Variants in LPAR5 observed in about 807,000 individuals in gnomAD.
LPAR5 encodes the protein G protein-coupled receptor 92.
For missense variants in LPAR5, 544 were observed against 521.8 expected, an observed-to-expected ratio of 1.04 and a Z score of -0.41; for synonymous variants, 271 against 261.6, an observed-to-expected ratio of 1.04 and a Z score of -0.35.
In LPAR5 at chr12:6,620,046, C is replaced by T; in HGVS notation, c.*84G>A. 2 of 1,561,146 alleles carry T rather than the reference C, an allele frequency of 1.3e-6. No homozygotes were observed. The highest frequency in any genetic ancestry group is 1.7e-6 in the Non-Finnish European group (2 of 1,145,982). On this transcript the variant is annotated 3_prime_UTR_variant, in exon 2 of 2. Coordinates refer to ENST00000329858, the MANE Select transcript of LPAR5 (RefSeq NM_020400.6). The surrounding 1 kb of genome is among the most constrained non-coding windows in gnomAD (Gnocchi z 6.8). ...CACCCAAAGGTCCAAGTGCCCAGCC[C>T]ACCTTCTTGTGTGTACACCCTGTAA...
chr12:6,621,714 T>C (rs1948897189), intron 1 of LPAR5, among the ~76,000 whole-genome samples: 1 of 152,202 alleles, frequency 6.6e-6, no homozygotes, highest in African/African-American at 2.4e-5. Flanking sequence ...AAATTAATCT[T>C]GGCTGGGTGC....
intron 1 of LPAR5, among the ~76,000 whole-genome samples, chr12:6,628,747 C>T (rs1485817599): frequency 1.3e-5 from 2 of 151,856 alleles, no homozygotes; most frequent in Non-Finnish European, 2.9e-5. Flanking sequence ...ATTCTCCTGC[C>T]TCAGCCTCCT....
At chr12:6,628,495 C>G (rs184673231) in intron 1 of LPAR5, among the ~76,000 whole-genome samples, 1 of 151,918 alleles carries the variant, frequency 6.6e-6, no homozygotes, top group Non-Finnish European at 1.5e-5. Context: ...TTCGCATGCT[C>G]TGTCACCCAG....
chr12:6,620,765 G>T lies in LPAR5; in HGVS notation c.484C>A (p.Pro162Thr). Residue 162 changes from proline (P) to threonine (T), a missense_variant, in exon 2 of 2, where the codon CCC becomes ACC. Pro to Thr is a conservative substitution (Grantham distance 38). Transcript: ENST00000329858. The surrounding 1 kb of genome is among the most constrained non-coding windows in gnomAD (Gnocchi z 6.8). ...AGGTCCCGGTAGCGGCAACGCGAGG[G>T]CCTGTGCACGCGGGCGGCGGGCACG... The part of the protein sequence containing the change: ...FAVPAARVHR[P>T]SRCRYRDLEV... 6.3e-7 allele frequency: 1 copy of T among 1,590,266 alleles called. No individual in the cohort carries two copies. The highest frequency in any genetic ancestry group is 8.6e-7 in the Non-Finnish European group (1 of 1,168,996).
chr12:6,632,476 AC>A (rs1255446713), intron 1 of LPAR5, among the ~76,000 whole-genome samples: 16 of 152,178 alleles, frequency 1.1e-4, no homozygotes, highest in African/African-American at 3.9e-4. Context: ...ATGTACTCTA[AC>A]CCACTCGCTG....
In LPAR5 at chr12:6,621,325, G is replaced by A. The variant is rs751525562; in HGVS notation, c.-77C>T. On this transcript the variant is annotated 5_prime_UTR_variant, in exon 2 of 2. Coordinates refer to ENST00000329858, the MANE Select transcript of LPAR5 (RefSeq NM_020400.6). ...GAATCATGGCATGGCATTCACCTCCGGGGCTGGGGCCTAGAGGCTGTACAG... is the reference window on the plus strand; with the variant it reads ...GAATCATGGCATGGCATTCACCTCCAGGGCTGGGGCCTAGAGGCTGTACAG... The A allele has an allele frequency of 2.2e-6, 3 of 1,372,158 alleles. No homozygotes were observed. The highest frequency in any genetic ancestry group is 2.9e-6 in the Non-Finnish European group (3 of 1,047,070). The allele number at this position is 1,372,158 out of a possible 1,614,324, so 85.0% of individuals were successfully genotyped here.
At chr12:6,632,915 T>A (rs750672177) in intron 1 of LPAR5, among the ~76,000 whole-genome samples, 4 of 152,028 alleles carry the variant, frequency 2.6e-5, no homozygotes, top group Non-Finnish European at 5.9e-5. Context: ...TCTTCCCTCC[T>A]CCCTGGCCCA....
Position 6,619,802 on chromosome 12 carries a change from C to A in LPAR5, c.*328G>T. The A allele has an allele frequency of 2.2e-6, 1 of 464,124 alleles. No individual in the cohort carries two copies. Among genetic ancestry groups the A allele is most frequent in the Non-Finnish European group, 4.1e-6 (1 of 244,336 alleles). 28.8% of individuals were successfully genotyped at this position (464,124 alleles called of 1,614,324 possible). Reference sequence around the variant, plus strand: ...GATCCAGAATGCCCATTTTCTGTTCCATCTAACCAGCTTTTAGCAGTTTAA... The same window carrying A: ...GATCCAGAATGCCCATTTTCTGTTCAATCTAACCAGCTTTTAGCAGTTTAA... On this transcript the variant is annotated 3_prime_UTR_variant, in exon 2 of 2. Transcript: ENST00000329858.
At chr12:6,626,984 A>G (rs2136243039) in intron 1 of LPAR5, among the ~76,000 whole-genome samples, 1 of 152,100 alleles carries the variant, frequency 6.6e-6, no homozygotes, top group East Asian at 1.9e-4. Context: ...CTCAGCACCT[A>G]CCTCTGTAAA....
In LPAR5 at chr12:6,620,257, T is replaced by A. The variant is rs576797372; in HGVS notation, c.992A>T (p.Gln331Leu). 1 of 1,608,442 alleles carries A rather than the reference T, an allele frequency of 6.2e-7. No homozygotes were observed. Among genetic ancestry groups the A allele is most frequent in the South Asian group, 1.1e-5 (1 of 90,626 alleles). ...ATNGTRAALA[Q>L]SERSAVTTDA... is the part of the protein sequence containing the mutation. The stretch of plus-strand genomic sequence containing the variant: ...GGTGGTGACGGCGGACCTTTCGGAT[T>A]GCGCGAGCGCCGCCCGCGTCCCGTT... Residue 331 changes from glutamine to leucine, a missense_variant, in exon 2 of 2, where the codon CAA (glutamine) becomes CTA (leucine). Coordinates refer to ENST00000329858, the MANE Select transcript of LPAR5 (RefSeq NM_020400.6). The surrounding 1 kb of genome is among the most constrained non-coding windows in gnomAD (Gnocchi z 6.8).
intron 1 of LPAR5, among the ~76,000 whole-genome samples, chr12:6,629,375 CAA>C (rs369669484): frequency 4.1e-4 from 25 of 60,544 alleles, no homozygotes; most frequent in Non-Finnish European, 4.5e-4. Context: ...GACTCTGTCT[CAA>C]AAAAAAAAAA....
intron 1 of LPAR5, among the ~76,000 whole-genome samples, chr12:6,625,797 GTTTT>G (rs1457437378): frequency 6.8e-6 from 1 of 146,608 alleles, no homozygotes; most frequent in African/African-American, 2.7e-5. Context: ...TTTTTTGTTT[GTTTT>G]TTGTTTTTTG....
At chr12:6,634,240 T>G (rs1013036321) in intron 1 of LPAR5, among the ~76,000 whole-genome samples, 44 of 151,756 alleles carry the variant, frequency 2.9e-4, no homozygotes, top group African/African-American at 1.0e-3. Context: ...CTCTTGACCT[T>G]GTGATCTGCC....
At chr12:6,631,868 T>G (rs1948982577) in intron 1 of LPAR5, among the ~76,000 whole-genome samples, 1 of 152,178 alleles carries the variant, frequency 6.6e-6, no homozygotes. Flanking sequence ...GGGGAATGCC[T>G]CCTCTTTGCC....
At chr12:6,624,510 T>C (rs2136241736) in intron 1 of LPAR5, among the ~76,000 whole-genome samples, 1 of 152,324 alleles carries the variant, frequency 6.6e-6, no homozygotes, top group South Asian at 2.1e-4. Context: ...ATACCTCATA[T>C]GAGTGGAATC....
chr12:6,625,096 C>T (rs2136242001), intron 1 of LPAR5, among the ~76,000 whole-genome samples: 1 of 152,138 alleles, frequency 6.6e-6, no homozygotes, highest in East Asian at 1.9e-4. Context: ...AGACCCTGAG[C>T]AATTATCCCA....
rs1434924357 is a variant in LPAR5, at chr12:6,620,515, A to G, written c.734T>C (p.Leu245Pro). 1.3e-6 allele frequency: 2 copies of G among 1,583,884 alleles called. No homozygotes were observed. The highest frequency in any genetic ancestry group is 8.6e-7 in the Non-Finnish European group (1 of 1,165,564). The change falls in exon 2 of 2, where the codon CTG becomes CCG. Residue 245 changes from leucine to proline, a missense_variant. Coordinates refer to ENST00000329858, the MANE Select transcript of LPAR5 (RefSeq NM_020400.6). The surrounding 1 kb of genome is among the most constrained non-coding windows in gnomAD (Gnocchi z 6.8). ...CGTGCTGTTGTAGGGCACGAAGCACAGCAGGAAGATGACGAGGTTAGCCAG... is the reference window on the plus strand; with the variant it reads ...CGTGCTGTTGTAGGGCACGAAGCACGGCAGGAAGATGACGAGGTTAGCCAG... ...LLLANLVIFL[L>P]CFVPYNSTLA...
Position 6,619,914 on chromosome 12 carries a change from G to T in LPAR5, c.*216C>A. 1.4e-6 allele frequency: 1 copy of T among 728,662 alleles called. No individual in the cohort carries two copies. Among genetic ancestry groups the T allele is most frequent in the Non-Finnish European group, 2.4e-6 (1 of 408,882 alleles). The allele number at this position is 728,662 out of a possible 1,614,324, so 45.1% of individuals were successfully genotyped here. A position where few individuals can be genotyped will look rare whatever the true frequency, so the allele number is the denominator to read the frequency against. ...ATCACTTCCCACCGCTGGAGAAGGG[G>T]TGCTCTGCGTGCTCACAGTTTAAAG... On this transcript the variant is annotated 3_prime_UTR_variant, in exon 2 of 2. Transcript: ENST00000329858.
chr12:6,625,340 G>A (rs375340361), intron 1 of LPAR5, among the ~76,000 whole-genome samples: 13 of 150,710 alleles, frequency 8.6e-5, no homozygotes, highest in East Asian at 5.9e-4. Context: ...CAGGAGAATG[G>A]CATGAACCCG....
Sources: gnomAD v4.1 joint callset for allele counts (sites outside exome capture counted in the v4.1 genomes callset) on GRCh38, gnomAD v4.1.1 for gene constraint, Gnocchi (gnomAD v3.1) non-coding constraint, MANE v1.5 for transcripts, NCBI Gene and HGNC (gene_info 2026-07-23, HGNC 2026-07-21) for gene names.